SAFB: variants seen among roughly 807,000 people sequenced by gnomAD.
The protein encoded by SAFB is scaffold attachment factor B, also known as scaffold attachment factor B1.
A neutral mutation model predicts 101.6 loss-of-function variants in SAFB; 15 were observed. That is an observed-to-expected ratio of 0.15 (90% CI 0.10 to 0.23). The LOEUF (loss-of-function observed/expected upper bound fraction) is 0.23, where lower values mean the gene tolerates loss of function less well. Ranked by LOEUF, SAFB falls within the 10% of genes least tolerant of loss-of-function variation. The probability of loss-of-function intolerance (pLI) is 1.00; values close to 1 mark genes in which losing one functional copy is unlikely to be tolerated. For synonymous variants in SAFB, 449 were observed against 407.5 expected, an observed-to-expected ratio of 1.10 and a Z score of -1.23; for missense variants, 930 against 1,104.1, an observed-to-expected ratio of 0.84 and a Z score of 2.23.
chr19:5,626,272 A>C, intron 1 of SAFB, 133 bp from the exon 2 acceptor site: 1 of 621,946 alleles, frequency 1.6e-6, no homozygotes, highest in Non-Finnish European at 2.9e-6. Context: ...TGGATGGGCC[A>C]CAGGTCCTGG....
At position 5,657,242 on chromosome 19, in the gene SAFB, C is replaced by T. The variant is rs199781913; in HGVS notation, c.1757C>T (p.Ala586Val). The change falls in exon 14 of 21, where the codon GCT becomes GTT. Residue 586 changes from alanine to valine, a missense_variant and splice_region_variant. This residue lies in a region of SAFB where 159 missense variants were observed against 234.1 expected (regional missense o/e 0.68). Coordinates refer to ENST00000588852, the MANE Select transcript of SAFB (RefSeq NM_001201338.2). The stretch of plus-strand genomic sequence containing the variant: ...TTTTAATGTTCTTTGGTGAACTAGG[C>T]TTCCAAAAGCCAGGATCGCAAATCA... ...SVKTSGSKERASKSQDRKSAS... is the reference protein window; with the variant it reads ...SVKTSGSKERVSKSQDRKSAS... 3.8e-5 allele frequency: 61 copies of T among 1,612,984 alleles called. 1 individual carries two copies. The Middle Eastern group carries it at 5.0e-4, about 13-fold the overall frequency.
rs146901709 is a variant in SAFB, at chr19:5,640,576, C to T, written c.275-1018C>T. On this transcript the variant is annotated intron_variant, in intron 2 of 20. Transcript: ENST00000588852. ...GTATAAGTTAAAAAAAAACCTTCCT[C>T]TGCAATTTTTGTTTTGTTTTGTTTT... Among the ~76,000 whole-genome samples, 30 of 152,060 alleles carry T rather than the reference C, an allele frequency of 2.0e-4. No individual in the cohort carries two copies. In the East Asian group the frequency reaches 5.4e-3, roughly 27 times the overall value.
chr19:5,663,509 A>G (rs560292254), intron 15 of SAFB, among the ~76,000 whole-genome samples: 1 of 152,096 alleles, frequency 6.6e-6, no homozygotes, highest in African/African-American at 2.4e-5. Context: ...ATACAATGCA[A>G]CTTCTATAAA....
intron 14 of SAFB, among the ~76,000 whole-genome samples, chr19:5,659,701 A>G (rs1180154213): frequency 6.6e-6 from 1 of 151,956 alleles, no homozygotes; most frequent in Non-Finnish European, 1.5e-5. Context: ...AAAAGAAAAA[A>G]AAAAAAAACA....
chr19:5,633,176 A>G (rs2053525636), intron 2 of SAFB, among the ~76,000 whole-genome samples: 1 of 151,972 alleles, frequency 6.6e-6, no homozygotes, highest in Non-Finnish European at 1.5e-5. Flanking sequence ...TTGTTTGTTT[A>G]TTACTTGGTT....
At chr19:5,664,517 G>T (rs1180467415) in intron 17 of SAFB, 78 bp downstream of exon 17, 11 of 1,129,906 alleles carry the variant, frequency 9.7e-6, no homozygotes, top group Non-Finnish European at 1.5e-5. Flanking sequence ...CCTTCTTCCT[G>T]CCCTTTCTTT....
intron 1 of SAFB, 42 bp downstream of exon 1, chr19:5,623,436 G>A (rs1426761988): frequency 1.3e-6 from 2 of 1,555,178 alleles, no homozygotes; most frequent in South Asian, 2.3e-5. Flanking sequence ...GTGGGTCTGG[G>A]GTCCTCTTGG....
At chr19:5,664,182 G>T in intron 16 of SAFB, 23 bp downstream of exon 16, 1 of 1,609,568 alleles carries the variant, frequency 6.2e-7, no homozygotes, top group Non-Finnish European at 8.5e-7. Flanking sequence ...CCTGCTGGGC[G>T]TGCGGGTTTT....
At chr19:5,658,839 T>G (rs1470647072) in intron 14 of SAFB, among the ~76,000 whole-genome samples, 1 of 112,966 alleles carries the variant, frequency 8.9e-6, no homozygotes, top group Admixed American at 1.0e-4. Context: ...CAAGACTCCA[T>G]CTCAAAAAAA....
chr19:5,667,598 T>G lies in SAFB; in HGVS notation c.2557+148T>G. On this transcript the variant is annotated intron_variant, in intron 19 of 20. Coordinates refer to ENST00000588852, the MANE Select transcript of SAFB (RefSeq NM_001201338.2). The surrounding 1 kb of genome is among the most constrained non-coding windows in gnomAD (Gnocchi z 4.0). ...GAAGAGCACTCCAGACACCGCCTGC[T>G]CTCTGGTGGTCTGGCCCAGGAGTTG... 1 of 701,380 alleles carries G rather than the reference T, an allele frequency of 1.4e-6. No individual in the cohort carries two copies. The highest frequency in any genetic ancestry group is 2.4e-6 in the Non-Finnish European group (1 of 412,000). The allele number at this position is 701,380 out of a possible 1,614,324, so 43.4% of individuals were successfully genotyped here.
intron 17 of SAFB, chr19:5,665,759 TCTCC>T (rs1355099361): frequency 6.6e-6 from 1 of 152,238 alleles, no homozygotes; most frequent in Non-Finnish European, 1.5e-5. Flanking sequence ...AATGGTAACA[TCTCC>T]CTACAGAGAA....
chr19:5,660,324 G>T (rs1599379421), intron 14 of SAFB, among the ~76,000 whole-genome samples: 3 of 114,794 alleles, frequency 2.6e-5, no homozygotes, highest in African/African-American at 3.1e-5. Context: ...TTTTTTTTAA[G>T]TAGCTCCCTG....
At chr19:5,636,473 T>C (rs2053598459) in intron 2 of SAFB, among the ~76,000 whole-genome samples, 1 of 152,072 alleles carries the variant, frequency 6.6e-6, no homozygotes, top group South Asian at 2.1e-4. Flanking sequence ...GGGATGGATT[T>C]CCCAGCCAAC....
At chr19:5,654,544 T>C in intron 13 of SAFB, 88 bp downstream of exon 13, 1 of 849,670 alleles carries the variant, frequency 1.2e-6, no homozygotes, top group Non-Finnish European at 2.0e-6. Context: ...TAAGCTTCAT[T>C]TGAAAAAAGC....
In SAFB at chr19:5,667,583, C is replaced by G. The variant is rs1463058486; in HGVS notation, c.2557+133C>G. 9.7e-6 allele frequency: 7 copies of G among 721,370 alleles called. No homozygotes were observed. The Admixed American group carries it at 1.4e-4, about 15-fold the overall frequency. The allele number at this position is 721,370 out of a possible 1,614,324, so 44.7% of individuals were successfully genotyped here. A position where few individuals can be genotyped will look rare whatever the true frequency, so the allele number is the denominator to read the frequency against. ...GCTGGAATGAGGAATGAAGAGCACTCCAGACACCGCCTGCTCTCTGGTGGT... is the reference window on the plus strand; with the variant it reads ...GCTGGAATGAGGAATGAAGAGCACTGCAGACACCGCCTGCTCTCTGGTGGT... On this transcript the variant is annotated intron_variant, in intron 19 of 20. Coordinates refer to ENST00000588852, the MANE Select transcript of SAFB (RefSeq NM_001201338.2). This position sits in a 1 kb window ranked among gnomAD's most constrained non-coding sequence, Gnocchi z 4.0.
rs1265817817 is a variant in SAFB at position 5,656,520 on chromosome 19, C to T, written c.1756-721C>T. Among the ~76,000 whole-genome samples, 7 of 151,774 alleles carry T rather than the reference C, an allele frequency of 4.6e-5. No individual in the cohort carries two copies. The East Asian group carries it at 1.4e-3, about 29-fold the overall frequency. ...CAAACTCCTGACTTCAAGTGATCCA[C>T]CCGTCCCGGCCTCCCAAAGTGGTAG... On this transcript the variant is annotated intron_variant, in intron 13 of 20. Coordinates refer to ENST00000588852, the MANE Select transcript of SAFB (RefSeq NM_001201338.2).
intron 17 of SAFB, 161 bp from the exon 18 acceptor site, chr19:5,666,885 G>C (rs1221893847): frequency 2.8e-5 from 20 of 725,224 alleles, no homozygotes; most frequent in South Asian, 4.6e-5. Context: ...CTGGCCTGCA[G>C]ATTTCAGGAA....
At chr19:5,627,623 T>G (rs1437511291) in intron 2 of SAFB, among the ~76,000 whole-genome samples, 2 of 152,112 alleles carry the variant, frequency 1.3e-5, no homozygotes, top group African/African-American at 4.8e-5. Context: ...CCGAAATCTC[T>G]CTTGCCCATC....
At chr19:5,626,371 TTTTGGATCAAC>T in intron 1 of SAFB, 23 bp from the exon 2 acceptor site, 1 of 1,311,612 alleles carries the variant, frequency 7.6e-7, no homozygotes. Flanking sequence ...TGAGCTGACT[TTTTGGATCAAC>T]TTTACTTTTC....
Sources: gnomAD v4.1 joint callset for allele counts (sites outside exome capture counted in the v4.1 genomes callset) on GRCh38, gnomAD v4.1.1 for gene constraint, gnomAD v4.1.1 regional missense constraint, Gnocchi (gnomAD v3.1) non-coding constraint, MANE v1.5 for transcripts, NCBI Gene and HGNC (gene_info 2026-07-23, HGNC 2026-07-21) for gene names.